THSD7B: variants seen among roughly 807,000 people sequenced by gnomAD.
The protein encoded by THSD7B is thrombospondin type 1 domain containing 7B.
In THSD7B, 138 loss-of-function variants were observed where a neutral mutation model predicts 213.6. That is an observed-to-expected ratio of 0.65 (90% CI 0.56 to 0.74). The LOEUF (loss-of-function observed/expected upper bound fraction) is 0.74, where lower values mean the gene tolerates loss of function less well. Among genes scored for constraint, THSD7B ranks in the 30% least tolerant of loss-of-function variants. The pLI is 0.00. For synonymous variants in THSD7B, 742 were observed against 687.0 expected (o/e 1.08, Z -1.25); for missense variants, 1,931 against 1,991.5 (o/e 0.97, Z 0.58).
At chr2:137,100,837 C>T (rs571054575) in intron 4 of THSD7B, among the ~76,000 whole-genome samples, 1 of 152,168 alleles carries the variant, frequency 6.6e-6, no homozygotes, top group African/African-American at 2.4e-5. Flanking sequence ...ACAAGATGGA[C>T]CCAGGAAGCT....
intron 5 of THSD7B, among the ~76,000 whole-genome samples, chr2:137,119,282 A>ACAGGC (rs1331699463): frequency 3.3e-5 from 5 of 152,214 alleles, no homozygotes; most frequent in Non-Finnish European, 7.3e-5. Context: ...TTTGTTTAAA[A>ACAGGC]AAATTATGTG....
chr2:137,065,671 T>A (rs1687361390), intron 3 of THSD7B, among the ~76,000 whole-genome samples: 1 of 145,286 alleles, frequency 6.9e-6, no homozygotes, highest in Non-Finnish European at 1.5e-5. Flanking sequence ...TGTTGTTTGA[T>A]TTTTTTCTTC....
chr2:137,170,611 C>A (rs1230453379), intron 6 of THSD7B, 130 bp from the exon 7 acceptor site: 2 of 786,168 alleles, frequency 2.5e-6, no homozygotes, highest in African/African-American at 1.7e-5. Context: ...TAGAATAAAA[C>A]ACATCAAGAT....
intron 12 of THSD7B, among the ~76,000 whole-genome samples, chr2:137,304,468 G>A (rs1683694098): frequency 6.6e-6 from 1 of 151,694 alleles, no homozygotes; most frequent in Non-Finnish European, 1.5e-5. Flanking sequence ...ATAATAATAG[G>A]GAAAGCTTGA....
chr2:136,979,818 T>C (rs1685543463), intron 2 of THSD7B, among the ~76,000 whole-genome samples: 1 of 152,152 alleles, frequency 6.6e-6, no homozygotes, highest in Admixed American at 6.5e-5. Context: ...CCTGAAGAGG[T>C]GTTGTGATCA....
chr2:137,172,179 G>C (rs1264675526), intron 7 of THSD7B, among the ~76,000 whole-genome samples: 1 of 152,134 alleles, frequency 6.6e-6, no homozygotes, highest in Non-Finnish European at 1.5e-5. Flanking sequence ...TGAGATACAG[G>C]GGTGCTAGGA....
intron 2 of THSD7B, among the ~76,000 whole-genome samples, chr2:136,886,971 C>T (rs996712797): frequency 3.9e-5 from 6 of 152,024 alleles, no homozygotes; most frequent in Admixed American, 2.0e-4. Context: ...AATATGTAGT[C>T]CTAGAAATGA....
chr2:136,819,176 C>T (rs1030238719), intron 1 of THSD7B, among the ~76,000 whole-genome samples: 3 of 152,080 alleles, frequency 2.0e-5, no homozygotes, highest in Non-Finnish European at 4.4e-5. Flanking sequence ...CAAAGAAGCC[C>T]ATGGTCAAAT....
chr2:136,799,384 ATTTTC>A (rs765492451), intron 1 of THSD7B, among the ~76,000 whole-genome samples: 13 of 152,106 alleles, frequency 8.5e-5, no homozygotes, highest in Non-Finnish European at 1.3e-4. Flanking sequence ...GAGCCTATAT[ATTTTC>A]TTTTGGTGAC....
At chr2:136,999,485 G>C in intron 2 of THSD7B, among the ~76,000 whole-genome samples, 1 of 150,282 alleles carries the variant, frequency 6.7e-6, no homozygotes, top group East Asian at 1.9e-4. Context: ...TTTCAAGCAT[G>C]ATATTGATTT....
chr2:137,052,809 A>G (rs1687093311), intron 2 of THSD7B, among the ~76,000 whole-genome samples: 1 of 152,150 alleles, frequency 6.6e-6, no homozygotes, highest in African/African-American at 2.4e-5. Flanking sequence ...TGAATAAATC[A>G]TGGAGCACAT....
At chr2:137,659,573 G>A (rs574336981) in intron 24 of THSD7B, 91 bp from the exon 25 acceptor site, 2 of 1,151,804 alleles carry the variant, frequency 1.7e-6, no homozygotes, top group Non-Finnish European at 2.4e-6. Context: ...CTGTTGCAAA[G>A]AGGCCGGTGG....
intron 14 of THSD7B, among the ~76,000 whole-genome samples, chr2:137,422,786 C>G (rs1686956701): frequency 6.6e-6 from 1 of 151,976 alleles, no homozygotes; most frequent in Non-Finnish European, 1.5e-5. Flanking sequence ...CTCAACCAGT[C>G]AAATGGTTTA....
chr2:137,011,615 A>T (rs1573765928), intron 2 of THSD7B, among the ~76,000 whole-genome samples: 1 of 152,152 alleles, frequency 6.6e-6, no homozygotes, highest in Non-Finnish European at 1.5e-5. Context: ...AAGCTTCTCC[A>T]TCTTTCCAAC....
chr2:137,409,263 A>C (rs1686596749), intron 13 of THSD7B, among the ~76,000 whole-genome samples: 1 of 152,190 alleles, frequency 6.6e-6, no homozygotes, highest in Non-Finnish European at 1.5e-5. Context: ...ATCTGCTGTA[A>C]TTTCAGCTGG....
chr2:137,115,425 T>C, intron 5 of THSD7B, 132 bp downstream of exon 5: 1 of 994,576 alleles, frequency 1.0e-6, no homozygotes, highest in Non-Finnish European at 1.4e-6. Context: ...GTTGACCATT[T>C]GTATGCCGCC....
chr2:136,769,847 A>G (rs192391316), intron 1 of THSD7B, among the ~76,000 whole-genome samples: 1 of 152,358 alleles, frequency 6.6e-6, no homozygotes, highest in Non-Finnish European at 1.5e-5. Context: ...TGAATAAAAA[A>G]GGCTATCATT....
intron 15 of THSD7B, among the ~76,000 whole-genome samples, chr2:137,483,573 CTATT>C (rs1688355614): frequency 6.6e-6 from 1 of 152,146 alleles, no homozygotes; most frequent in African/African-American, 2.4e-5. Flanking sequence ...CTATTATTGT[CTATT>C]TATTTTATTT....
intron 12 of THSD7B, among the ~76,000 whole-genome samples, chr2:137,289,171 T>G (rs1362929189): frequency 6.6e-6 from 1 of 152,020 alleles, no homozygotes. Context: ...CAAGACATGT[T>G]TTTTTTAAAG....
Sources: allele counts gnomAD v4.1 joint callset (sites outside exome capture counted in the v4.1 genomes callset), GRCh38; gene constraint gnomAD v4.1.1; transcripts MANE v1.5; gene names NCBI Gene and HGNC (gene_info 2026-07-23, HGNC 2026-07-21).